OLFM3: variants seen among roughly 807,000 people sequenced by gnomAD.
OLFM3 encodes the protein olfactomedin 3, also known as noelin-3.
OLFM3 carries 20 observed loss-of-function variants against 48.6 expected under a neutral mutation model. The ratio of observed to expected loss-of-function variants is 0.41; its 90% CI spans 0.29 to 0.60. OLFM3 has a LOEUF of 0.60. Ranked by LOEUF, OLFM3 falls within the 20% of genes least tolerant of loss-of-function variation. The pLI is 0.28. For synonymous variants in OLFM3, 222 were observed against 198.1 expected, an observed-to-expected ratio of 1.12 and a Z score of -1.01; for missense variants, 437 against 544.3, an observed-to-expected ratio of 0.80 and a Z score of 1.96.
chr1:101,837,669 A>G (rs2100925608), intron 1 of OLFM3: 1 of 152,310 alleles, frequency 6.6e-6, no homozygotes, highest in East Asian at 1.9e-4. Context: ...CCTTCTTAGA[A>G]CTCAAGTGTG....
At chr1:101,866,919 A>T (rs1263001665) in intron 1 of OLFM3, among the ~76,000 whole-genome samples, 1 of 152,194 alleles carries the variant, frequency 6.6e-6, no homozygotes, top group Non-Finnish European at 1.5e-5. Context: ...ATTATATTTT[A>T]ATGGAGTCAG....
intron 1 of OLFM3, among the ~76,000 whole-genome samples, chr1:101,976,537 C>T (rs1374112221): frequency 6.6e-6 from 1 of 152,130 alleles, no homozygotes; most frequent in African/African-American, 2.4e-5. Context: ...TTGGTTGTTT[C>T]TGTCTTGCTG....
chr1:101,818,124 T>G (rs1311304095), intron 4 of OLFM3, among the ~76,000 whole-genome samples: 3 of 152,136 alleles, frequency 2.0e-5, no homozygotes, highest in African/African-American at 7.2e-5. Context: ...TTTTACCTTT[T>G]CTGGGATTAA....
chr1:101,918,966 G>T (rs1281395030), intron 1 of OLFM3, among the ~76,000 whole-genome samples: 1 of 152,060 alleles, frequency 6.6e-6, no homozygotes, highest in African/African-American at 2.4e-5. Flanking sequence ...GGTTTCAAAA[G>T]AAATAAGCAA....
intron 4 of OLFM3, among the ~76,000 whole-genome samples, chr1:101,806,467 T>C (rs1483191428): frequency 6.6e-6 from 1 of 151,814 alleles, no homozygotes; most frequent in Non-Finnish European, 1.5e-5. Context: ...TCATTATCAT[T>C]ATACCAGTTC....
intron 1 of OLFM3, among the ~76,000 whole-genome samples, chr1:101,865,910 T>C (rs1656839860): frequency 6.6e-6 from 1 of 152,230 alleles, no homozygotes; most frequent in Non-Finnish European, 1.5e-5. Flanking sequence ...AGCTATTTGG[T>C]TGAGTGTTTA....
Position 101,803,152 on chromosome 1 carries a change from A to G in OLFM3, c.*1086T>C, listed in dbSNP as rs998521369. The stretch of plus-strand genomic sequence containing the variant: ...GGCTCATAATCTAAATCTAGAGGAC[A>G]TTACAGAATTTTTTTTTTCTAAGAG... On this transcript the variant is annotated 3_prime_UTR_variant, in exon 6 of 6. Transcript: ENST00000370103. 4.6e-5 allele frequency: 7 copies of G among 152,106 alleles called. No individual in the cohort carries two copies. The highest frequency in any genetic ancestry group is 1.0e-4 in the Non-Finnish European group (7 of 67,748). The allele number at this position is 152,106 out of a possible 1,614,324, so 9.4% of individuals were successfully genotyped here.
chr1:101,907,900 T>C (rs1658606122), intron 1 of OLFM3, among the ~76,000 whole-genome samples: 1 of 152,232 alleles, frequency 6.6e-6, no homozygotes, highest in African/African-American at 2.4e-5. Flanking sequence ...TCAAATTAAA[T>C]TGTCTACATA....
At chr1:101,971,866 A>T (rs575100654) in intron 1 of OLFM3, among the ~76,000 whole-genome samples, 3 of 152,028 alleles carry the variant, frequency 2.0e-5, no homozygotes, top group Non-Finnish European at 4.4e-5. Context: ...TAGGTGGATA[A>T]TACAATTTAG....
At chr1:101,806,205 G>T (rs113549195) in intron 4 of OLFM3, 23 bp from the exon 5 acceptor site, 2 of 1,584,500 alleles carry the variant, frequency 1.3e-6, no homozygotes, top group African/African-American at 2.7e-5. Context: ...AAACACAAAC[G>T]TGTTAGGTGA....
At chr1:101,819,801 T>C (rs1654522696) in intron 4 of OLFM3, among the ~76,000 whole-genome samples, 1 of 152,074 alleles carries the variant, frequency 6.6e-6, no homozygotes, top group African/African-American at 2.4e-5. Flanking sequence ...TGTAAAGTGA[T>C]TGCCTCTAAC....
chr1:101,973,210 A>G (rs1570679935), intron 1 of OLFM3, among the ~76,000 whole-genome samples: 2 of 152,172 alleles, frequency 1.3e-5, no homozygotes, highest in African/African-American at 4.8e-5. Flanking sequence ...GAAATAGGAA[A>G]CCCAGTGCTG....
At chr1:101,832,691 T>G in intron 2 of OLFM3, among the ~76,000 whole-genome samples, 1 of 152,196 alleles carries the variant, frequency 6.6e-6, no homozygotes, top group East Asian at 1.9e-4. Context: ...GAATATTTAT[T>G]GAGTAAAATT....
At chr1:101,976,201 T>G (rs1349484306) in intron 1 of OLFM3, among the ~76,000 whole-genome samples, 1 of 152,246 alleles carries the variant, frequency 6.6e-6, no homozygotes, top group Non-Finnish European at 1.5e-5. Context: ...TTAAATAATT[T>G]TTTTTGAGAC....
chr1:101,937,120 T>C (rs2101054789), intron 1 of OLFM3, among the ~76,000 whole-genome samples: 1 of 152,242 alleles, frequency 6.6e-6, no homozygotes, highest in South Asian at 2.1e-4. Flanking sequence ...AAATGGGACC[T>C]AATTAAACTA....
At chr1:101,873,832 AT>A (rs1196861319) in intron 1 of OLFM3, among the ~76,000 whole-genome samples, 1 of 151,844 alleles carries the variant, frequency 6.6e-6, no homozygotes. Flanking sequence ...AAATGATGCA[AT>A]ACTTCCTCAT....
intron 1 of OLFM3, among the ~76,000 whole-genome samples, chr1:101,900,651 GA>G (rs1231159164): frequency 6.6e-5 from 10 of 151,382 alleles, no homozygotes; most frequent in South Asian, 4.2e-4. Flanking sequence ...TGATAAAGTA[GA>G]AAAAAAATGG....
At chr1:101,974,058 A>G (rs2339203) in intron 1 of OLFM3, among the ~76,000 whole-genome samples, 37,314 of 150,978 alleles carry the variant, frequency 0.25, 5,170 homozygotes, top group Middle Eastern at 0.35. Flanking sequence ...CAATGCATAT[A>G]TACAAGGTTG....
intron 4 of OLFM3, among the ~76,000 whole-genome samples, chr1:101,824,439 T>C (rs1294969945): frequency 6.6e-6 from 1 of 152,182 alleles, no homozygotes; most frequent in African/African-American, 2.4e-5. Flanking sequence ...CCATGACCCA[T>C]GCATGTCACA....
Sources: gnomAD v4.1 joint callset for allele counts (sites outside exome capture counted in the v4.1 genomes callset) on GRCh38, gnomAD v4.1.1 for gene constraint, MANE v1.5 for transcripts, NCBI Gene and HGNC (gene_info 2026-07-23, HGNC 2026-07-21) for gene names.